The following FAM178B variants were observed in gnomAD, a reference collection of about 807,000 sequenced individuals.
The protein encoded by FAM178B is family with sequence similarity 178 member B, also known as protein FAM178B.
A neutral mutation model predicts 91.7 loss-of-function variants in FAM178B; 82 were observed. That is an observed-to-expected ratio of 0.89 (90% CI 0.75 to 1.07). The LOEUF (loss-of-function observed/expected upper bound fraction) is 1.07. FAM178B is among the 50% of genes least tolerant of loss of function. The pLI is 0.00. For synonymous variants in FAM178B, 368 were observed against 359.4 expected, an observed-to-expected ratio of 1.02 and a Z score of -0.27; for missense variants, 769 against 846.7, an observed-to-expected ratio of 0.91 and a Z score of 1.14.
At position 96,960,372 on chromosome 2, in the gene FAM178B, AAC is replaced by A. The variant is rs2082062292; in HGVS notation, c.801_802del (p.Phe268SerfsTer52). ...TGGCAGGGGGTGACACCTGGGCAGA[AAC>A]ACAGTCTCACCTGGATGGACCGGCG... On this transcript the variant is annotated frameshift_variant, in exon 6 of 17. Coordinates refer to ENST00000490605, the MANE Select transcript of FAM178B (RefSeq NM_001122646.3). LOFTEE classifies it high-confidence loss of function. 5 of 1,551,900 alleles carry A rather than the reference AAC, an allele frequency of 3.2e-6. No homozygotes were observed. The highest frequency in any genetic ancestry group is 4.4e-6 in the Non-Finnish European group (5 of 1,147,020).
chr2:96,970,709 T>G lies in FAM178B; in HGVS notation c.626+7A>C. 6.4e-7 allele frequency: 1 copy of G among 1,550,548 alleles called. No individual in the cohort carries two copies. The highest frequency in any genetic ancestry group is 8.7e-7 in the Non-Finnish European group (1 of 1,146,100). On this transcript the variant is annotated splice_region_variant and intron_variant, in intron 4 of 16. Coordinates refer to ENST00000490605, the MANE Select transcript of FAM178B (RefSeq NM_001122646.3). ...GCACCCCATGACAGGCCACGCCCTG[T>G]GCTCACCTCTTCTCCTGCAGTAAGT...
chr2:96,975,151 T>C (rs1237273711), intron 1 of FAM178B, among the ~76,000 whole-genome samples: 1 of 147,874 alleles, frequency 6.8e-6, no homozygotes, highest in African/African-American at 2.5e-5. Flanking sequence ...AACAGAGATG[T>C]AGTCAAAGAA....
At chr2:96,902,251 A>T (rs1037779472) in intron 13 of FAM178B, among the ~76,000 whole-genome samples, 2 of 151,244 alleles carry the variant, frequency 1.3e-5, no homozygotes, top group African/African-American at 2.4e-5. Flanking sequence ...GACTACAGGC[A>T]CCCGCCACCA....
chr2:96,912,758 C>T (rs1415709637), intron 12 of FAM178B, among the ~76,000 whole-genome samples: 1 of 152,208 alleles, frequency 6.6e-6, no homozygotes, highest in Non-Finnish European at 1.5e-5. Flanking sequence ...GCTCCGGATG[C>T]GACCTTCATC....
intron 8 of FAM178B, among the ~76,000 whole-genome samples, chr2:96,936,424 A>G (rs1352934972): frequency 2.0e-5 from 3 of 150,228 alleles, no homozygotes; most frequent in Admixed American, 6.6e-5. Flanking sequence ...GATGGTCTCG[A>G]TCTCCCGACC....
intron 8 of FAM178B, among the ~76,000 whole-genome samples, chr2:96,944,849 C>T (rs978104718): frequency 2.0e-5 from 3 of 152,220 alleles, no homozygotes; most frequent in African/African-American, 7.2e-5. Context: ...CTCACTCAGT[C>T]CCCGTAGGCA....
intron 12 of FAM178B, among the ~76,000 whole-genome samples, chr2:96,911,558 A>G (rs932623641): frequency 2.0e-5 from 3 of 152,210 alleles, no homozygotes; most frequent in African/African-American, 7.2e-5. Context: ...GGAAAGTCTG[A>G]AAGATTTTAT....
Position 96,923,587 on chromosome 2 carries a change from T to C in FAM178B, c.1194-4A>G. ...GCCAGCCTCGCCTGGAAGCACCCTG[T>C]GGTAAGACAACAACAGTGACGATGG... On this transcript the variant is annotated splice_region_variant and splice_polypyrimidine_tract_variant and intron_variant, in intron 9 of 16. Coordinates refer to ENST00000490605, the MANE Select transcript of FAM178B (RefSeq NM_001122646.3). 1 of 1,551,188 alleles carries C rather than the reference T, an allele frequency of 6.4e-7. No individual in the cohort carries two copies. The highest frequency in any genetic ancestry group is 8.7e-7 in the Non-Finnish European group (1 of 1,146,580).
intron 8 of FAM178B, among the ~76,000 whole-genome samples, chr2:96,936,625 C>T (rs552762123): frequency 1.3e-5 from 2 of 151,654 alleles, no homozygotes; most frequent in East Asian, 3.9e-4. Context: ...TTCTCCTGCC[C>T]CAACCTCCCA....
chr2:96,944,218 G>C (rs1190445688), intron 8 of FAM178B, among the ~76,000 whole-genome samples: 2 of 147,960 alleles, frequency 1.4e-5, no homozygotes, highest in African/African-American at 2.5e-5. Context: ...CTCCAGCCTG[G>C]GCGACAGAGC....
At chr2:96,887,483 T>TGTACGAGCTAC (rs2080555880) in intron 14 of FAM178B, among the ~76,000 whole-genome samples, 1 of 152,214 alleles carries the variant, frequency 6.6e-6, no homozygotes, top group Non-Finnish European at 1.5e-5. Context: ...AGCCACGGGT[T>TGTACGAGCTAC]GAGCCATGCC....
intron 14 of FAM178B, among the ~76,000 whole-genome samples, chr2:96,891,855 G>T (rs935202301): frequency 6.6e-5 from 10 of 152,308 alleles, no homozygotes; most frequent in African/African-American, 2.4e-4. Flanking sequence ...GCGTCAAAAG[G>T]CAGAGGCTCA....
Position 96,921,516 on chromosome 2 carries a change from G to C in FAM178B, c.1426C>G (p.Leu476Val). Residue 476 changes from leucine (L) to valine (V), a missense_variant, in exon 11 of 17, where the codon CTC (leucine) becomes GTC (valine). Leu to Val is a conservative substitution (Grantham distance 32). Coordinates refer to ENST00000490605, the MANE Select transcript of FAM178B (RefSeq NM_001122646.3). ...TCCCGGATGTTCTCCAGGAGCAAGA[G>C]GAGAAGCTGCTGGAGGTCAACTTTG... Reference protein sequence around the residue: ...LPKVDLQQLLLLLLENIREWP... With the variant: ...LPKVDLQQLLVLLLENIREWP... The C allele has an allele frequency of 6.4e-7, 1 of 1,551,728 alleles. No individual in the cohort carries two copies. Among genetic ancestry groups the C allele is most frequent in the South Asian group, 1.2e-5 (1 of 84,066 alleles).
At chr2:96,969,273 T>G (rs1169119912) in intron 4 of FAM178B, among the ~76,000 whole-genome samples, 1 of 152,162 alleles carries the variant, frequency 6.6e-6, no homozygotes, top group Non-Finnish European at 1.5e-5. Context: ...ATAGCTATAT[T>G]TGGAGTAAGA....
At chr2:96,982,922 A>T (rs1277210414) in intron 1 of FAM178B, among the ~76,000 whole-genome samples, 1 of 151,120 alleles carries the variant, frequency 6.6e-6, no homozygotes, top group East Asian at 1.9e-4. Context: ...TCTGTCACAT[A>T]GACTGGAGTG....
At chr2:96,896,933 C>T (rs2080835778) in intron 13 of FAM178B, among the ~76,000 whole-genome samples, 1 of 152,226 alleles carries the variant, frequency 6.6e-6, no homozygotes, top group African/African-American at 2.4e-5. Context: ...GTGGCACAAT[C>T]TCTGCTCTCT....
intron 14 of FAM178B, among the ~76,000 whole-genome samples, chr2:96,890,324 C>T (rs552543251): frequency 2.6e-5 from 4 of 152,148 alleles, no homozygotes; most frequent in Admixed American, 6.5e-5. Context: ...ATAATTAGCC[C>T]GGTGTGGTAG....
chr2:96,930,208 TC>T (rs2081515587), intron 8 of FAM178B, among the ~76,000 whole-genome samples: 3 of 59,638 alleles, frequency 5.0e-5, no homozygotes, highest in Admixed American at 3.0e-4. Flanking sequence ...ACTCCGTCTC[TC>T]CAAAAAAAAA....
Position 96,951,577 on chromosome 2 carries a change from T to G in FAM178B, c.888-93A>C, listed in dbSNP as rs1476064636. On this transcript the variant is annotated intron_variant, in intron 6 of 16. Coordinates refer to ENST00000490605, the MANE Select transcript of FAM178B (RefSeq NM_001122646.3). ...GGAGGCTGTCACTACCCAGCTTCACTGGCTGTTGGGAAGCATATCTGTAAC... is the reference window on the plus strand; with the variant it reads ...GGAGGCTGTCACTACCCAGCTTCACGGGCTGTTGGGAAGCATATCTGTAAC... 3.3e-6 allele frequency: 3 copies of G among 897,148 alleles called. No homozygotes were observed. In the African/African-American group the frequency reaches 5.0e-5, roughly 15 times the overall value. 55.6% of individuals were successfully genotyped at this position (897,148 alleles called of 1,614,324 possible). A position where few individuals can be genotyped will look rare whatever the true frequency, so the allele number is the denominator to read the frequency against.
Sources: allele counts gnomAD v4.1 joint callset (sites outside exome capture counted in the v4.1 genomes callset), GRCh38; gene constraint gnomAD v4.1.1; transcripts MANE v1.5; gene names NCBI Gene and HGNC (gene_info 2026-07-23, HGNC 2026-07-21).